Variants in ANO3 observed in about 807,000 individuals in gnomAD.
ANO3 encodes the protein anoctamin 3.
A neutral mutation model predicts 144.8 loss-of-function variants in ANO3; 99 were observed. The observed-to-expected ratio is 0.68, with a 90% CI of 0.58 to 0.81. The LOEUF (loss-of-function observed/expected upper bound fraction) is 0.81. ANO3 is among the 30% of genes least tolerant of loss of function. The pLI is 0.00. For synonymous variants in ANO3, 414 were observed against 392.6 expected, an observed-to-expected ratio of 1.05 and a Z score of -0.64; for missense variants, 905 against 1,202.2, an observed-to-expected ratio of 0.75 and a Z score of 3.66.
At position 26,662,758 on chromosome 11, in the gene ANO3, T is replaced by G. The variant is rs545920270; in HGVS notation, c.*2314T>G. On this transcript the variant is annotated 3_prime_UTR_variant, in exon 27 of 27. Transcript: ENST00000256737. ...AAGAAAAAATTGTCTGAAATGTTTA[T>G]TTTGCAAAACAGTGCAATAGAATCT... is the stretch of plus-strand genomic sequence containing the variant. The G allele has an allele frequency of 2.0e-5, 3 of 152,404 alleles. No homozygotes were observed. The highest frequency in any genetic ancestry group is 7.2e-5 in the African/African-American group (3 of 41,556). The allele number at this position is 152,404 out of a possible 1,614,324, so 9.4% of individuals were successfully genotyped here. A position where few individuals can be genotyped will look rare whatever the true frequency, so the allele number is the denominator to read the frequency against.
In ANO3 at chr11:26,441,928, A is replaced by T. The variant is rs1858534535; in HGVS notation, c.57A>T (p.Ile19=). The T allele has an allele frequency of 3.1e-6, 5 of 1,613,282 alleles. No individual in the cohort carries two copies. In the Admixed American group the frequency reaches 8.3e-5, roughly 27 times the overall value. Residue 19 remains isoleucine, a synonymous_variant, in exon 2 of 27, where the codon ATA becomes ATT. Coordinates refer to ENST00000256737, the MANE Select transcript of ANO3 (RefSeq NM_031418.4). ...ATTTTGGATTTGCAGGTATGAATAT[A>T]AGCAAGAGTGAGATAACAAAAGAAA... The part of the protein sequence containing the change: ...QSFKQQKGMN[I]SKSEITKETS...
chr11:26,256,772 A>G (rs1409442076), intron 1 of ANO3, among the ~76,000 whole-genome samples: 2 of 152,122 alleles, frequency 1.3e-5, no homozygotes, highest in Non-Finnish European at 2.9e-5. Flanking sequence ...CTACTTTTAC[A>G]GGGTAAATTT....
intron 1 of ANO3, among the ~76,000 whole-genome samples, chr11:26,315,704 TCTATCTAC>T (rs1854611083): frequency 6.6e-6 from 1 of 150,524 alleles, no homozygotes; most frequent in African/African-American, 2.4e-5. Flanking sequence ...TATCTATCTA[TCTATCTAC>T]CTACCTACCT....
At chr11:26,579,164 A>G (rs1357217700) in intron 14 of ANO3, among the ~76,000 whole-genome samples, 1 of 152,238 alleles carries the variant, frequency 6.6e-6, no homozygotes, top group Non-Finnish European at 1.5e-5. Context: ...GAAAAGATCC[A>G]CATGATTTAT....
At chr11:26,382,841 G>A (rs749918736) in intron 1 of ANO3, among the ~76,000 whole-genome samples, 148 of 152,264 alleles carry the variant, frequency 9.7e-4, no homozygotes, top group Non-Finnish European at 1.9e-3. Context: ...TTGGAGAGAT[G>A]TCAAAGAGTT....
At chr11:26,263,979 T>A (rs1853251961) in intron 1 of ANO3, among the ~76,000 whole-genome samples, 1 of 152,228 alleles carries the variant, frequency 6.6e-6, no homozygotes, top group African/African-American at 2.4e-5. Flanking sequence ...AGCCATCACA[T>A]TTAGTTCCAT....
At chr11:26,502,596 TA>T (rs1294221580) in intron 4 of ANO3, among the ~76,000 whole-genome samples, 1 of 152,128 alleles carries the variant, frequency 6.6e-6, no homozygotes, top group Non-Finnish European at 1.5e-5. Context: ...TCACAAAGAT[TA>T]TATAACCTTC....
chr11:26,522,150 C>G (rs1489235412), intron 6 of ANO3, among the ~76,000 whole-genome samples: 1 of 152,066 alleles, frequency 6.6e-6, no homozygotes, highest in Non-Finnish European at 1.5e-5. Context: ...CGCCACTGCA[C>G]TCCAGCCTGG....
At chr11:26,632,784 G>C (rs1458170604) in intron 18 of ANO3, among the ~76,000 whole-genome samples, 1 of 152,012 alleles carries the variant, frequency 6.6e-6, no homozygotes, top group Non-Finnish European at 1.5e-5. Context: ...TGTGGACAAT[G>C]CTGAAATAAA....
In ANO3 at chr11:26,213,083, C is replaced by G. The variant is rs149022795; in HGVS notation, c.154+23753C>G. On this transcript the variant is annotated intron_variant, in intron 1 of 27. Coordinates refer to the ANO3 transcript ENST00000672621. ...AAGGCCTTTGACAAAATTTAACACC[C>G]CTTCATGTTAAAAACTCCTAATAAA... 3.0e-4 allele frequency among the ~76,000 whole-genome samples: 46 copies of G among 152,182 alleles called. No individual in the cohort carries two copies. The East Asian group carries it at 7.3e-3, about 24-fold the overall frequency.
intron 4 of ANO3, among the ~76,000 whole-genome samples, chr11:26,495,117 T>TTATTTATG (rs1860879900): frequency 8.0e-6 from 1 of 125,336 alleles, no homozygotes; most frequent in Non-Finnish European, 1.8e-5. Flanking sequence ...ATTTATTTAT[T>TTATTTATG]TATTTGAGAC....
intron 1 of ANO3, chr11:26,309,791 A>T: frequency 1.3e-6 from 1 of 762,056 alleles, no homozygotes; most frequent in Non-Finnish European, 1.6e-6. Flanking sequence ...TAGCAACTCC[A>T]GAGTCTTTAC....
chr11:26,491,359 T>C (rs566023180), intron 4 of ANO3, among the ~76,000 whole-genome samples: 2 of 152,274 alleles, frequency 1.3e-5, no homozygotes, highest in South Asian at 4.2e-4. Context: ...ACATAAACAG[T>C]TGTAACAGTT....
chr11:26,212,542 G>C (rs917957921), intron 1 of ANO3, among the ~76,000 whole-genome samples: 1 of 151,930 alleles, frequency 6.6e-6, no homozygotes, highest in Non-Finnish European at 1.5e-5. Flanking sequence ...AGAATAAATG[G>C]ATAAATTTCT....
At chr11:26,382,470 T>C (rs1380175398) in intron 1 of ANO3, among the ~76,000 whole-genome samples, 1 of 152,140 alleles carries the variant, frequency 6.6e-6, no homozygotes, top group African/African-American at 2.4e-5. Flanking sequence ...CCCACTCTGA[T>C]AATATCTCAG....
rs1459954138 is a variant in ANO3, at chr11:26,662,076, C to T, written c.*1632C>T. On this transcript the variant is annotated 3_prime_UTR_variant, in exon 27 of 27. Coordinates refer to ENST00000256737, the MANE Select transcript of ANO3 (RefSeq NM_031418.4). ...ATTTCTCTAGTAAGATTATGTTTCT[C>T]TTACTAGAAAACTATTTTCTAAATA... 1 of 151,978 alleles carries T rather than the reference C, an allele frequency of 6.6e-6. No individual in the cohort carries two copies. Among genetic ancestry groups the T allele is most frequent in the East Asian group, 1.9e-4 (1 of 5,178 alleles). The allele number at this position is 151,978 out of a possible 1,614,324, so 9.4% of individuals were successfully genotyped here. A position where few individuals can be genotyped will look rare whatever the true frequency, so the allele number is the denominator to read the frequency against.
At chr11:26,224,411 T>C (rs913247473) in intron 1 of ANO3, among the ~76,000 whole-genome samples, 3 of 152,262 alleles carry the variant, frequency 2.0e-5, no homozygotes. Flanking sequence ...TTGGTAGTTT[T>C]TTCAAGGACA....
chr11:26,660,254 A>C lies in ANO3; in HGVS notation c.2764-8A>C, dbSNP rs371167198. The C allele has an allele frequency of 2.4e-5, 38 of 1,612,414 alleles. No individual in the cohort carries two copies. In the African/African-American group the frequency reaches 4.7e-4, roughly 20 times the overall value. Reference sequence around the variant, plus strand: ...TGAAAACTGTCCTTTTCACATTTAAATTTGCAGCACCTTGTTTTTGGGATT... The same window carrying C: ...TGAAAACTGTCCTTTTCACATTTAACTTTGCAGCACCTTGTTTTTGGGATT... On this transcript the variant is annotated splice_region_variant and splice_polypyrimidine_tract_variant and intron_variant, in intron 26 of 26. Coordinates refer to ENST00000256737, the MANE Select transcript of ANO3 (RefSeq NM_031418.4).
At chr11:26,281,711 GATT>G (rs1448778747) in intron 1 of ANO3, among the ~76,000 whole-genome samples, 14 of 152,130 alleles carry the variant, frequency 9.2e-5, no homozygotes, top group Non-Finnish European at 1.9e-4. Flanking sequence ...TTTATTTAAA[GATT>G]AATATAAAAT....
Sources: allele counts gnomAD v4.1 joint callset (sites outside exome capture counted in the v4.1 genomes callset), GRCh38; gene constraint gnomAD v4.1.1; transcripts MANE v1.5; gene names NCBI Gene and HGNC (gene_info 2026-07-23, HGNC 2026-07-21).